Variants in SMYD3 observed in about 807,000 individuals in gnomAD.
The protein encoded by SMYD3 is SET and MYND domain containing 3.
A neutral mutation model predicts 57.7 loss-of-function variants in SMYD3; 36 were observed. The observed-to-expected ratio is 0.62, with a 90% CI of 0.48 to 0.82. The LOEUF (loss-of-function observed/expected upper bound fraction) is 0.82, where lower values mean the gene tolerates loss of function less well. SMYD3 is among the 40% of genes least tolerant of loss of function. The probability of loss-of-function intolerance (pLI) is 0.00; values close to 1 mark genes in which losing one functional copy is unlikely to be tolerated. For missense variants in SMYD3, 515 were observed against 538.8 expected, an observed-to-expected ratio of 0.96 and a Z score of 0.44; for synonymous variants, 211 against 195.0, an observed-to-expected ratio of 1.08 and a Z score of -0.68.
chr1:246,055,670 C>T (rs2060139567), intron 5 of SMYD3, among the ~76,000 whole-genome samples: 1 of 151,998 alleles, frequency 6.6e-6, no homozygotes, highest in Admixed American at 6.6e-5. Flanking sequence ...TATTATTCAG[C>T]CTTAAAAAGG....
chr1:245,943,108 C>T (rs1177287693), intron 5 of SMYD3, among the ~76,000 whole-genome samples: 1 of 144,060 alleles, frequency 6.9e-6, no homozygotes, highest in Non-Finnish European at 1.5e-5. Flanking sequence ...AACCCCAAAG[C>T]TAGCAGAAGA....
At chr1:246,229,015 T>C (rs1372472573) in intron 5 of SMYD3, among the ~76,000 whole-genome samples, 4 of 152,148 alleles carry the variant, frequency 2.6e-5, no homozygotes, top group Admixed American at 1.3e-4. Flanking sequence ...ATTTAGACCA[T>C]GAATAGCAAC....
intron 1 of SMYD3, among the ~76,000 whole-genome samples, chr1:246,391,114 G>A (rs933157836): frequency 3.3e-5 from 5 of 151,436 alleles, no homozygotes; most frequent in Non-Finnish European, 5.9e-5. Context: ...AGCTGGGTGC[G>A]ATGGCTCATG....
At chr1:245,955,131 G>C (rs148680152) in intron 5 of SMYD3, among the ~76,000 whole-genome samples, 4 of 152,060 alleles carry the variant, frequency 2.6e-5, no homozygotes, top group East Asian at 3.9e-4. Flanking sequence ...TCGCTCTGTC[G>C]CCCAGGCTGG....
intron 5 of SMYD3, among the ~76,000 whole-genome samples, chr1:246,231,488 T>C (rs1016117880): frequency 3.9e-5 from 6 of 152,230 alleles, no homozygotes; most frequent in African/African-American, 1.4e-4. Context: ...AGTTTCTACA[T>C]AGTAACTATA....
intron 2 of SMYD3, among the ~76,000 whole-genome samples, chr1:246,336,900 C>T (rs775098965): frequency 9.9e-5 from 15 of 152,170 alleles, no homozygotes; most frequent in Non-Finnish European, 2.1e-4. Flanking sequence ...AAAAAGAAGG[C>T]ATAATGGCTT....
At chr1:246,029,014 T>C (rs1412428359) in intron 5 of SMYD3, among the ~76,000 whole-genome samples, 3 of 152,100 alleles carry the variant, frequency 2.0e-5, no homozygotes, top group South Asian at 2.1e-4. Flanking sequence ...GTTGGGAAGA[T>C]TCCATATCCA....
intron 5 of SMYD3, among the ~76,000 whole-genome samples, chr1:246,298,540 T>G (rs2064836441): frequency 6.6e-6 from 1 of 152,086 alleles, no homozygotes; most frequent in Admixed American, 6.6e-5. Flanking sequence ...TCATAAAATA[T>G]CAGAGACAAG....
intron 5 of SMYD3, among the ~76,000 whole-genome samples, chr1:246,130,056 T>C (rs1218958967): frequency 2.0e-5 from 3 of 152,116 alleles, no homozygotes; most frequent in Non-Finnish European, 4.4e-5. Flanking sequence ...GCAAGTACAA[T>C]ATTGGAAAGA....
rs531211851 is a variant in SMYD3 at position 246,011,312 on chromosome 1, G to A, written c.532-81375C>T. Among the ~76,000 whole-genome samples the A allele has an allele frequency of 2.0e-5, 3 of 152,246 alleles. No individual in the cohort carries two copies. The South Asian group carries it at 6.2e-4, about 32-fold the overall frequency. ...TTCATTTTCTTTTACTATTCTGCCT[G>A]AGCTTTGACTTTCTGGAATTTTAAA... On this transcript the variant is annotated intron_variant, in intron 5 of 11. Coordinates refer to ENST00000490107, the MANE Select transcript of SMYD3 (RefSeq NM_001167740.2).
chr1:245,898,622 AG>A (rs1295438006), intron 8 of SMYD3, among the ~76,000 whole-genome samples: 2 of 152,186 alleles, frequency 1.3e-5, no homozygotes, highest in East Asian at 3.8e-4. Context: ...AGAAATTGAG[AG>A]CCCGGTGAAT....
chr1:246,256,217 C>T (rs10924636), intron 5 of SMYD3, among the ~76,000 whole-genome samples: 40,426 of 151,742 alleles, frequency 0.27, 6,048 homozygotes, highest in East Asian at 0.58. Flanking sequence ...GGCCTGTCTC[C>T]CTTTTTCATG....
At chr1:246,498,692 C>T (rs2103075374) in intron 1 of SMYD3, among the ~76,000 whole-genome samples, 1 of 145,884 alleles carries the variant, frequency 6.9e-6, no homozygotes, top group Admixed American at 6.9e-5. Flanking sequence ...GATCGCACCA[C>T]TGCACTTTAG....
intron 5 of SMYD3, among the ~76,000 whole-genome samples, chr1:246,253,697 G>A (rs1032425953): frequency 1.3e-5 from 2 of 152,144 alleles, no homozygotes; most frequent in Non-Finnish European, 2.9e-5. Flanking sequence ...GTATTCCTAG[G>A]TGTTGTAGGT....
chr1:245,965,628 A>G (rs1379729485), intron 5 of SMYD3, among the ~76,000 whole-genome samples: 1 of 152,222 alleles, frequency 6.6e-6, no homozygotes, highest in Non-Finnish European at 1.5e-5. Flanking sequence ...TAAGAAGCCA[A>G]TCTGAAACAC....
intron 5 of SMYD3, among the ~76,000 whole-genome samples, chr1:245,990,808 AGATAACAC>A (rs1368894630): frequency 6.6e-6 from 1 of 152,224 alleles, no homozygotes; most frequent in East Asian, 1.9e-4. Flanking sequence ...CAGAGCTGTA[AGATAACAC>A]GTGTGTGGTT....
intron 2 of SMYD3, among the ~76,000 whole-genome samples, chr1:246,346,140 C>T (rs1436595278): frequency 4.6e-5 from 7 of 152,030 alleles, no homozygotes; most frequent in African/African-American, 7.2e-5. Flanking sequence ...AAAAATTAGC[C>T]GGGCGTGGTG....
At chr1:246,196,038 T>TA (rs769188870) in intron 5 of SMYD3, among the ~76,000 whole-genome samples, 105 of 151,704 alleles carry the variant, frequency 6.9e-4, no homozygotes, top group African/African-American at 1.9e-3. Context: ...CTTCTTTATT[T>TA]AAAAAAAAAC....
At chr1:246,207,211 A>C (rs1347206232) in intron 5 of SMYD3, among the ~76,000 whole-genome samples, 1 of 152,196 alleles carries the variant, frequency 6.6e-6, no homozygotes, top group Non-Finnish European at 1.5e-5. Flanking sequence ...CACATAAAAC[A>C]TCAGAAAATC....
Sources: allele counts gnomAD v4.1 joint callset (sites outside exome capture counted in the v4.1 genomes callset), GRCh38; gene constraint gnomAD v4.1.1; transcripts MANE v1.5; gene names NCBI Gene and HGNC (gene_info 2026-07-23, HGNC 2026-07-21).